PLEKHA6: variants seen among roughly 807,000 people sequenced by gnomAD.
PLEKHA6 encodes the protein pleckstrin homology domain-containing family A member 6.
PLEKHA6 carries 60 observed loss-of-function variants against 116.7 expected under a neutral mutation model. The observed-to-expected ratio is 0.51, with a 90% CI of 0.42 to 0.64. The LOEUF (loss-of-function observed/expected upper bound fraction) is 0.64, where lower values mean the gene tolerates loss of function less well. Ranked by LOEUF, PLEKHA6 falls within the 30% of genes least tolerant of loss-of-function variation. PLEKHA6 has a pLI of 0.00. For synonymous variants in PLEKHA6, 489 were observed against 556.1 expected (o/e 0.88, Z 1.70); for missense variants, 1,338 against 1,422.7 (o/e 0.94, Z 0.96).
chr1:204,240,428 G>C (rs183611288), intron 17 of PLEKHA6, among the ~76,000 whole-genome samples: 27 of 152,366 alleles, frequency 1.8e-4, no homozygotes, highest in African/African-American at 6.0e-4. Context: ...AGCAGGGACT[G>C]TAATGGTCAT....
intron 10 of PLEKHA6, among the ~76,000 whole-genome samples, chr1:204,250,149 T>G (rs1488598213): frequency 6.6e-6 from 1 of 152,200 alleles, no homozygotes; most frequent in African/African-American, 2.4e-5. Flanking sequence ...AGCCGTATTC[T>G]CCTTTCTAGT....
rs182150738 is a variant in PLEKHA6, at chr1:204,235,270, A to G, written c.2410-4684T>C. Among the ~76,000 whole-genome samples, 281 of 152,150 alleles carry G rather than the reference A, an allele frequency of 1.8e-3. 1 individual carries two copies. Among genetic ancestry groups the G allele is most frequent in the South Asian group, 0.015 (74 of 4,818 alleles). On this transcript the variant is annotated intron_variant, in intron 17 of 22. Transcript: ENST00000272203. ...CATGAACTGTTTAGAGAGTTATGCA[A>G]AATAAATGCATTTGACACTCTTGAT...
At chr1:204,255,310 C>A (rs941996967) in intron 9 of PLEKHA6, among the ~76,000 whole-genome samples, 3 of 152,118 alleles carry the variant, frequency 2.0e-5, no homozygotes, top group African/African-American at 7.2e-5. Flanking sequence ...TCCCTCCTCT[C>A]GCCAGAAAAA....
chr1:204,261,717 C>G lies in PLEKHA6; in HGVS notation c.382-269G>C, dbSNP rs921460117. On this transcript the variant is annotated intron_variant, in intron 6 of 22. Transcript: ENST00000272203. This position sits in a 1 kb window ranked among gnomAD's most constrained non-coding sequence, Gnocchi z 4.0. ...CCCAATAACCAGGTCAGCCTACTTG[C>G]CCCACCTGGGGTAATTAAAGCAGGA... Among the ~76,000 whole-genome samples, 1 of 152,208 alleles carries G rather than the reference C, an allele frequency of 6.6e-6. No homozygotes were observed. The highest frequency in any genetic ancestry group is 1.5e-5 in the Non-Finnish European group (1 of 68,032).
At chr1:204,373,682 A>G (rs557942874) in intron 1 of PLEKHA6, among the ~76,000 whole-genome samples, 1 of 152,354 alleles carries the variant, frequency 6.6e-6, no homozygotes, top group African/African-American at 2.4e-5. Flanking sequence ...AAAGAAAGCT[A>G]CTATGAACAT....
intron 5 of PLEKHA6, among the ~76,000 whole-genome samples, chr1:204,265,858 A>G (rs779858782): frequency 2.0e-5 from 3 of 152,168 alleles, no homozygotes; most frequent in African/African-American, 7.2e-5. Flanking sequence ...CAGCTATTAC[A>G]TAATTCATCC....
chr1:204,311,198 G>C (rs1210128582), intron 1 of PLEKHA6, among the ~76,000 whole-genome samples: 1 of 152,194 alleles, frequency 6.6e-6, no homozygotes, highest in Admixed American at 6.5e-5. Context: ...TTGTTGAAGA[G>C]TGCTGTTAGA....
chr1:204,374,905 A>G lies in PLEKHA6; in HGVS notation c.83+2678T>C, dbSNP rs367851068. On this transcript the variant is annotated intron_variant, in intron 1 of 4. Coordinates refer to the PLEKHA6 transcript ENST00000564627. The stretch of plus-strand genomic sequence containing the variant: ...CTCTCTCCTGAAACCACTTTCCTAG[A>G]CGTCATTAGAGGCCTCCCCCTCTCC... 6.6e-5 allele frequency among the ~76,000 whole-genome samples: 10 copies of G among 152,066 alleles called. No homozygotes were observed. The East Asian group carries it at 1.9e-3, about 29-fold the overall frequency.
intron 3 of PLEKHA6, 71 bp from the exon 4 acceptor site, chr1:204,268,383 C>T: frequency 1.8e-6 from 2 of 1,090,980 alleles, no homozygotes; most frequent in Non-Finnish European, 2.6e-6. Context: ...AAGGGAGCCA[C>T]CCCTGCTAGA....
intron 1 of PLEKHA6, among the ~76,000 whole-genome samples, chr1:204,322,486 T>C (rs1385621153): frequency 6.6e-6 from 1 of 152,144 alleles, no homozygotes. Context: ...GCCAGTGGGG[T>C]CGCACAGCAG....
intron 1 of PLEKHA6, among the ~76,000 whole-genome samples, chr1:204,357,969 C>T (rs948673448): frequency 2.0e-5 from 3 of 152,180 alleles, no homozygotes; most frequent in African/African-American, 7.2e-5. Flanking sequence ...CTCAATAATC[C>T]AGGCAGACAC....
intron 12 of PLEKHA6, among the ~76,000 whole-genome samples, chr1:204,247,991 G>C (rs1030201736): frequency 2.0e-5 from 3 of 151,388 alleles, no homozygotes; most frequent in African/African-American, 7.3e-5. Flanking sequence ...AAAGAGAAAA[G>C]AGCCTGAAGG....
chr1:204,344,727 G>T (rs1218514512), intron 1 of PLEKHA6, among the ~76,000 whole-genome samples: 1 of 152,016 alleles, frequency 6.6e-6, no homozygotes, highest in East Asian at 1.9e-4. Flanking sequence ...ATATTATCAG[G>T]GTGCCCCAGA....
intron 9 of PLEKHA6, among the ~76,000 whole-genome samples, chr1:204,252,031 A>T (rs1187925462): frequency 6.6e-6 from 1 of 151,992 alleles, no homozygotes; most frequent in Non-Finnish European, 1.5e-5. Context: ...CCAAAAAAGA[A>T]AATCTAGGAC....
intron 1 of PLEKHA6, among the ~76,000 whole-genome samples, chr1:204,335,875 T>C (rs1371933401): frequency 1.3e-5 from 2 of 152,158 alleles, no homozygotes; most frequent in African/African-American, 2.4e-5. Context: ...CCACAGCCCC[T>C]GTCACCTCAT....
intron 1 of PLEKHA6, among the ~76,000 whole-genome samples, chr1:204,348,343 G>A (rs923201714): frequency 6.6e-6 from 1 of 152,132 alleles, no homozygotes; most frequent in Non-Finnish European, 1.5e-5. Context: ...GGGCAGGTTG[G>A]GCAGCTTGAA....
At chr1:204,336,719 T>C (rs1672661264) in intron 1 of PLEKHA6, among the ~76,000 whole-genome samples, 1 of 152,198 alleles carries the variant, frequency 6.6e-6, no homozygotes, top group Non-Finnish European at 1.5e-5. Context: ...AAAAGACATA[T>C]ATTTGCAAAT....
intron 1 of PLEKHA6, among the ~76,000 whole-genome samples, chr1:204,290,067 G>A (rs2103022016): frequency 6.6e-6 from 1 of 152,282 alleles, no homozygotes; most frequent in Admixed American, 6.5e-5. Context: ...GAAAAATACT[G>A]TTTTCATGGA....
chr1:204,309,714 G>A, intron 1 of PLEKHA6: 1 of 909,316 alleles, frequency 1.1e-6, no homozygotes, highest in East Asian at 1.2e-4. Flanking sequence ...GGTAAATGAA[G>A]ATAGTATCAA....
Sources: gnomAD v4.1 joint callset for allele counts (sites outside exome capture counted in the v4.1 genomes callset) on GRCh38, gnomAD v4.1.1 for gene constraint, Gnocchi (gnomAD v3.1) non-coding constraint, MANE v1.5 for transcripts, NCBI Gene and HGNC (gene_info 2026-07-23, HGNC 2026-07-21) for gene names.